The following EBF1 variants were observed in gnomAD, a reference collection of about 807,000 sequenced individuals.
EBF1 encodes the protein EBF transcription factor 1, also known as transcription factor COE1.
EBF1 carries 10 observed loss-of-function variants against 68.4 expected under a neutral mutation model. That is an observed-to-expected ratio of 0.15 (90% CI 0.09 to 0.25). The LOEUF is 0.25. EBF1 is among the 10% of genes least tolerant of loss of function. The probability of loss-of-function intolerance (pLI) is 1.00; values close to 1 mark genes in which losing one functional copy is unlikely to be tolerated. For missense variants in EBF1, 509 were observed against 794.4 expected, an observed-to-expected ratio of 0.64 and a Z score of 4.32; for synonymous variants, 298 against 299.8, an observed-to-expected ratio of 0.99 and a Z score of 0.06.
chr5:158,868,138 T>C (rs1036597276), intron 6 of EBF1, among the ~76,000 whole-genome samples: 9 of 152,186 alleles, frequency 5.9e-5, no homozygotes, highest in African/African-American at 2.2e-4. Context: ...TATTCATTTT[T>C]TTTTTGCCAT....
intron 6 of EBF1, among the ~76,000 whole-genome samples, chr5:158,963,386 T>G (rs1468514130): frequency 1.3e-5 from 2 of 152,250 alleles, no homozygotes; most frequent in African/African-American, 2.4e-5. Flanking sequence ...TCTCCTACAT[T>G]GGATGACAGT....
intron 8 of EBF1, among the ~76,000 whole-genome samples, chr5:158,808,422 T>C (rs934000243): frequency 2.0e-5 from 3 of 152,108 alleles, no homozygotes; most frequent in Non-Finnish European, 4.4e-5. Flanking sequence ...GCCAGCGGGA[T>C]CAAGTCCACC....
chr5:158,800,030 A>G (rs1190370478), intron 8 of EBF1, among the ~76,000 whole-genome samples: 1 of 152,136 alleles, frequency 6.6e-6, no homozygotes, highest in Non-Finnish European at 1.5e-5. Flanking sequence ...TGTGGCTAAA[A>G]CTATAGGTAC....
At chr5:158,899,304 CAT>C (rs1802801247) in intron 6 of EBF1, among the ~76,000 whole-genome samples, 1 of 152,160 alleles carries the variant, frequency 6.6e-6, no homozygotes, top group South Asian at 2.1e-4. Flanking sequence ...TAGCATAAAA[CAT>C]ATGTGATAGT....
At chr5:158,987,379 T>C (rs773567321) in intron 6 of EBF1, among the ~76,000 whole-genome samples, 1 of 152,220 alleles carries the variant, frequency 6.6e-6, no homozygotes, top group Non-Finnish European at 1.5e-5. Flanking sequence ...TCATTCCTCA[T>C]GTTAAGCCCT....
intron 7 of EBF1, among the ~76,000 whole-genome samples, chr5:158,827,692 A>T (rs763383469): frequency 6.6e-6 from 1 of 152,196 alleles, no homozygotes; most frequent in Non-Finnish European, 1.5e-5. Context: ...TCTCATGAGC[A>T]GATTTTCAAA....
intron 6 of EBF1, among the ~76,000 whole-genome samples, chr5:158,856,799 C>T (rs761642959): frequency 2.2e-4 from 33 of 152,110 alleles, no homozygotes; most frequent in African/African-American, 7.7e-4. Context: ...AATATTTGAA[C>T]GCAAAGTCTC....
chr5:158,993,375 G>C (rs528494287), intron 6 of EBF1, among the ~76,000 whole-genome samples: 2 of 152,112 alleles, frequency 1.3e-5, no homozygotes, highest in African/African-American at 2.4e-5. Flanking sequence ...GTTAGGGATT[G>C]AGTGTGACCT....
chr5:158,874,849 C>A (rs1199684922), intron 6 of EBF1, among the ~76,000 whole-genome samples: 1 of 152,116 alleles, frequency 6.6e-6, no homozygotes, highest in African/African-American at 2.4e-5. Flanking sequence ...AAGTAACAGG[C>A]CTCAGAGTGT....
chr5:158,847,691 C>A (rs1044075182), intron 6 of EBF1, among the ~76,000 whole-genome samples: 3 of 152,164 alleles, frequency 2.0e-5, no homozygotes, highest in Non-Finnish European at 4.4e-5. Flanking sequence ...TGAAGTCATC[C>A]TAATGATTTG....
At chr5:158,761,548 A>C (rs913796144) in intron 10 of EBF1, among the ~76,000 whole-genome samples, 1 of 152,208 alleles carries the variant, frequency 6.6e-6, no homozygotes, top group South Asian at 2.1e-4. Context: ...CTTCATAATA[A>C]GCACTGTATT....
At chr5:158,918,716 A>C (rs989514118) in intron 6 of EBF1, among the ~76,000 whole-genome samples, 1 of 152,206 alleles carries the variant, frequency 6.6e-6, no homozygotes, top group Non-Finnish European at 1.5e-5. Context: ...ACATTGGTTC[A>C]TCTCTGGAGA....
In EBF1 at chr5:158,698,601, T is replaced by TA. The variant is rs1279488848; in HGVS notation, c.*509dup. ...CGCAAAAGCCGACCCTTAGTTTTTC[T>TA]AAAAAATCTAACTGGCATTCCTATT... On this transcript the variant is annotated 3_prime_UTR_variant, in exon 16 of 16. Coordinates refer to ENST00000313708, the MANE Select transcript of EBF1 (RefSeq NM_024007.5). 38 of 214,518 alleles carry TA rather than the reference T, an allele frequency of 1.8e-4. No individual in the cohort carries two copies. Among genetic ancestry groups the TA allele is most frequent in the African/African-American group, 2.5e-4 (11 of 44,172 alleles). The allele number at this position is 214,518 out of a possible 1,614,324, so 13.3% of individuals were successfully genotyped here.
chr5:158,793,162 C>A (rs747924506), intron 9 of EBF1, among the ~76,000 whole-genome samples: 1 of 152,154 alleles, frequency 6.6e-6, no homozygotes, highest in East Asian at 1.9e-4. Context: ...CAACATCATA[C>A]GCAGTGGTGA....
intron 6 of EBF1, among the ~76,000 whole-genome samples, chr5:158,952,882 A>G (rs530493555): frequency 8.5e-5 from 13 of 152,330 alleles, no homozygotes; most frequent in South Asian, 8.3e-4. Context: ...AACTTAAAAG[A>G]AAAAAGTAAG....
chr5:159,053,731 T>C lies in EBF1; in HGVS notation c.554+19665A>G, dbSNP rs1013133635. Among the ~76,000 whole-genome samples, 358 of 152,286 alleles carry C rather than the reference T, an allele frequency of 2.4e-3. 4 individuals are homozygous for C. The highest frequency in any genetic ancestry group is 7.8e-3 in the African/African-American group (324 of 41,560). ...TATGCAGACACAAAATGAGTATATG[T>C]ACCCCGGAATAAAAGGAACATAATT... On this transcript the variant is annotated intron_variant, in intron 6 of 15. Coordinates refer to ENST00000313708, the MANE Select transcript of EBF1 (RefSeq NM_024007.5).
chr5:159,096,284 C>G (rs1428144362), intron 3 of EBF1, 59 bp downstream of exon 3: 1 of 1,538,016 alleles, frequency 6.5e-7, no homozygotes, highest in Admixed American at 1.8e-5. Context: ...GAGCTCCCTG[C>G]GCCCCCTGCC....
intron 6 of EBF1, among the ~76,000 whole-genome samples, chr5:158,896,333 A>G (rs1454158575): frequency 3.3e-5 from 5 of 152,150 alleles, no homozygotes; most frequent in African/African-American, 1.2e-4. Context: ...TAATCTCCAG[A>G]GGGCACAAGC....
intron 6 of EBF1, among the ~76,000 whole-genome samples, chr5:158,882,417 G>A (rs1799068421): frequency 6.6e-6 from 1 of 152,200 alleles, no homozygotes; most frequent in Admixed American, 6.5e-5. Context: ...CCCAGAGCCT[G>A]CCACGTATTC....
Sources: gnomAD v4.1 joint callset for allele counts (sites outside exome capture counted in the v4.1 genomes callset) on GRCh38, gnomAD v4.1.1 for gene constraint, MANE v1.5 for transcripts, NCBI Gene and HGNC (gene_info 2026-07-23, HGNC 2026-07-21) for gene names.